CAMTA1: variants seen among roughly 807,000 people sequenced by gnomAD.
The protein encoded by CAMTA1 is calmodulin binding transcription activator 1.
Under a neutral mutation model 170.9 loss-of-function variants are expected in CAMTA1, and 27 were observed. That is an observed-to-expected ratio of 0.16 (90% confidence interval 0.12 to 0.22). The LOEUF (loss-of-function observed/expected upper bound fraction) is 0.22. CAMTA1 is among the 10% of genes least tolerant of loss of function. The pLI is 1.00. For missense variants in CAMTA1, 1,619 were observed against 2,217.2 expected (o/e 0.73, Z 5.42); for synonymous variants, 833 against 891.5 (o/e 0.93, Z 1.17).
intron 3 of CAMTA1, among the ~76,000 whole-genome samples, chr1:7,068,911 G>C (rs1169231043): frequency 6.6e-6 from 1 of 152,180 alleles, no homozygotes; most frequent in African/African-American, 2.4e-5. Context: ...ATTGACAGTG[G>C]AGCAGGAAGA....
At chr1:7,058,906 C>T (rs1231167691) in intron 3 of CAMTA1, among the ~76,000 whole-genome samples, 17 of 150,634 alleles carry the variant, frequency 1.1e-4, no homozygotes, top group Non-Finnish European at 1.5e-5. Flanking sequence ...CTCTCTCTCT[C>T]TTTCTTTCCT....
intron 3 of CAMTA1, among the ~76,000 whole-genome samples, chr1:6,834,778 T>C (rs1410484549): frequency 1.3e-5 from 2 of 152,162 alleles, no homozygotes; most frequent in Non-Finnish European, 2.9e-5. Context: ...GCTGGGTCTA[T>C]AGGCGTGTGC....
At chr1:6,831,849 A>G (rs1570616463) in intron 3 of CAMTA1, among the ~76,000 whole-genome samples, 1 of 152,214 alleles carries the variant, frequency 6.6e-6, no homozygotes, top group Non-Finnish European at 1.5e-5. Context: ...TGTAGAGAGC[A>G]GTATAGGTTG....
intron 3 of CAMTA1, among the ~76,000 whole-genome samples, chr1:7,057,317 G>A (rs1464519593): frequency 6.6e-6 from 1 of 152,212 alleles, no homozygotes; most frequent in East Asian, 1.9e-4. Flanking sequence ...GCAGCCCTGG[G>A]ATGGATCTTT....
chr1:6,808,499 C>T (rs1644788347), intron 1 of CAMTA1, among the ~76,000 whole-genome samples: 1 of 152,166 alleles, frequency 6.6e-6, no homozygotes, highest in African/African-American at 2.4e-5. Flanking sequence ...TTCTGTGTTT[C>T]AGCTTAAATG....
chr1:7,042,130 T>G (rs1704557083), intron 3 of CAMTA1, among the ~76,000 whole-genome samples: 1 of 152,182 alleles, frequency 6.6e-6, no homozygotes, highest in Non-Finnish European at 1.5e-5. Context: ...CACAGGAGAA[T>G]TCCCCTCCTC....
rs78985977 is a variant in CAMTA1, at chr1:6,963,073, C to G, written c.235-128231C>G. On this transcript the variant is annotated intron_variant, in intron 3 of 22. Coordinates refer to ENST00000303635, the MANE Select transcript of CAMTA1 (RefSeq NM_015215.4). ...TGGCCCTTCTCCTCTGGACCAACCC[C>G]TCTGTCCATTAGGGCCCCGCCTTCA... is the stretch of plus-strand genomic sequence containing the variant. Among the ~76,000 whole-genome samples, 577 of 151,512 alleles carry G rather than the reference C, an allele frequency of 3.8e-3. 6 individuals are homozygous for G. Among genetic ancestry groups the G allele is most frequent in the African/African-American group, 0.012 (506 of 41,392 alleles).
intron 11 of CAMTA1, among the ~76,000 whole-genome samples, chr1:7,687,366 T>C (rs1345502878): frequency 6.6e-6 from 1 of 151,626 alleles, no homozygotes; most frequent in Non-Finnish European, 1.5e-5. Flanking sequence ...GGGAGCTGGG[T>C]AAGAGCCCTC....
intron 4 of CAMTA1, among the ~76,000 whole-genome samples, chr1:7,204,802 A>G (rs1299270684): frequency 6.9e-6 from 1 of 144,220 alleles, no homozygotes; most frequent in African/African-American, 2.5e-5. Context: ...ATTTTGGGTC[A>G]GAGTTTCTTT....
chr1:7,698,301 A>C (rs1264885500), intron 11 of CAMTA1: 1 of 152,180 alleles, frequency 6.6e-6, no homozygotes, highest in Non-Finnish European at 1.5e-5. Context: ...CACACAAAAA[A>C]ATTTCATAAT....
chr1:7,766,726 A>T lies in CAMTA1; in HGVS notation c.*235A>T. 2 of 514,856 alleles carry T rather than the reference A, an allele frequency of 3.9e-6. No individual in the cohort carries two copies. The highest frequency in any genetic ancestry group is 7.0e-6 in the Non-Finnish European group (2 of 287,292). The allele number at this position is 514,856 out of a possible 1,614,324, so 31.9% of individuals were successfully genotyped here. A position where few individuals can be genotyped will look rare whatever the true frequency, so the allele number is the denominator to read the frequency against. On this transcript the variant is annotated 3_prime_UTR_variant, in exon 23 of 23. Transcript: ENST00000303635. ...GACAACTTTTAATTTGATCAGCAAG[A>T]CATCTTGGAACTCAATCTTCTGTTG...
chr1:7,157,678 A>G (rs1348886116), intron 4 of CAMTA1, among the ~76,000 whole-genome samples: 2 of 152,214 alleles, frequency 1.3e-5, no homozygotes, highest in Non-Finnish European at 2.9e-5. Flanking sequence ...TGACCCAGCA[A>G]TTCCTCTCTT....
At chr1:7,145,148 C>A (rs1646108687) in intron 4 of CAMTA1, among the ~76,000 whole-genome samples, 1 of 152,236 alleles carries the variant, frequency 6.6e-6, no homozygotes, top group South Asian at 2.1e-4. Context: ...TCAAAGCCAT[C>A]ATGGATCTCT....
chr1:6,923,592 G>A (rs966159223), intron 3 of CAMTA1, among the ~76,000 whole-genome samples: 9 of 152,170 alleles, frequency 5.9e-5, no homozygotes, highest in African/African-American at 2.2e-4. Context: ...GAAATGGAGG[G>A]TGGCGGGGCT....
intron 3 of CAMTA1, among the ~76,000 whole-genome samples, chr1:7,048,297 A>C (rs1014648877): frequency 6.6e-6 from 1 of 152,204 alleles, no homozygotes; most frequent in Non-Finnish European, 1.5e-5. Context: ...AAGGGGAAAA[A>C]GAGTCACTCC....
At chr1:7,288,630 G>C (rs780604528) in intron 5 of CAMTA1, among the ~76,000 whole-genome samples, 13 of 152,210 alleles carry the variant, frequency 8.5e-5, no homozygotes, top group Non-Finnish European at 1.6e-4. Flanking sequence ...AGAAGGAAGA[G>C]TTGGTGAATT....
intron 3 of CAMTA1, among the ~76,000 whole-genome samples, chr1:7,066,471 G>T (rs565244581): frequency 6.6e-6 from 1 of 152,338 alleles, no homozygotes; most frequent in Non-Finnish European, 1.5e-5. Flanking sequence ...AAAATCTATA[G>T]ATCAGATTTT....
chr1:7,559,366 G>A (rs540814117), intron 6 of CAMTA1, among the ~76,000 whole-genome samples: 1 of 152,148 alleles, frequency 6.6e-6, no homozygotes, highest in East Asian at 2.0e-4. Flanking sequence ...CCTGGCCCTG[G>A]ACGGCCACAG....
At chr1:7,608,052 C>T (rs1337530131) in intron 6 of CAMTA1, among the ~76,000 whole-genome samples, 1 of 152,202 alleles carries the variant, frequency 6.6e-6, no homozygotes, top group South Asian at 2.1e-4. Flanking sequence ...GAGCCCCTGT[C>T]CTCAACTGGG....
Sources: gnomAD v4.1 joint callset for allele counts (sites outside exome capture counted in the v4.1 genomes callset) on GRCh38, gnomAD v4.1.1 for gene constraint, MANE v1.5 for transcripts, NCBI Gene and HGNC (gene_info 2026-07-23, HGNC 2026-07-21) for gene names.